Variants in MINAR1 observed in about 807,000 individuals in gnomAD.
MINAR1 encodes membrane integral NOTCH2 associated receptor 1.
A neutral mutation model predicts 65.1 loss-of-function variants in MINAR1; 40 were observed. That is an observed-to-expected ratio of 0.61 (90% CI 0.48 to 0.80). MINAR1 has a LOEUF of 0.80. Among genes scored for constraint, MINAR1 ranks in the 30% least tolerant of loss-of-function variants. The probability of loss-of-function intolerance (pLI) is 0.00; values close to 1 mark genes in which losing one functional copy is unlikely to be tolerated. For missense variants in MINAR1, 1,128 were observed against 1,148.0 expected (o/e 0.98, Z 0.25); for synonymous variants, 482 against 449.1 (o/e 1.07, Z -0.93).
intron 1 of MINAR1, among the ~76,000 whole-genome samples, chr15:79,442,294 A>G (rs1018954011): frequency 2.0e-5 from 3 of 152,106 alleles, no homozygotes; most frequent in Admixed American, 6.5e-5. Flanking sequence ...CAATTATTCC[A>G]GTAGTATTTT....
intron 1 of MINAR1, among the ~76,000 whole-genome samples, chr15:79,439,629 G>A (rs1430367697): frequency 6.6e-6 from 1 of 151,784 alleles, no homozygotes; most frequent in African/African-American, 2.4e-5. Context: ...ACATCGGAGC[G>A]CTGACTGCCC....
Position 79,470,102 on chromosome 15 carries a change from T to C in MINAR1, c.*1718T>C, listed in dbSNP as rs1319209603. 2.0e-5 allele frequency: 3 copies of C among 152,582 alleles called. No homozygotes were observed. The highest frequency in any genetic ancestry group is 4.4e-5 in the Non-Finnish European group (3 of 68,036). The allele number at this position is 152,582 out of a possible 1,614,324, so 9.5% of individuals were successfully genotyped here. On this transcript the variant is annotated 3_prime_UTR_variant, in exon 4 of 4. Coordinates refer to ENST00000305428, the MANE Select transcript of MINAR1 (RefSeq NM_015206.3). ...TTATCTATTTGTATTATCATGTTTA[T>C]GTATGGATTTTCAATTTCAGTAACC...
At position 79,457,844 on chromosome 15, in the gene MINAR1, A is replaced by C; in HGVS notation, c.1697A>C (p.Lys566Thr). The C allele has an allele frequency of 1.2e-6, 2 of 1,614,094 alleles. No homozygotes were observed. Among genetic ancestry groups the C allele is most frequent in the Admixed American group, 1.7e-5 (1 of 60,020 alleles). ...CDSSPEHNLT[K>T]IANGVPNSKG... ...AGTTCCCCTGAGCACAACTTAACCA[A>C]AATTGCCAATGGGGTCCCCAACAGC... Residue 566 changes from lysine to threonine, a missense_variant, in exon 2 of 4, where the codon AAA becomes ACA. Physicochemically the swap from Lys to Thr is moderately conservative, Grantham distance 78 (BLOSUM62 -1). Coordinates refer to ENST00000305428, the MANE Select transcript of MINAR1 (RefSeq NM_015206.3).
At chr15:79,430,969 TCA>T (rs1894421625), upstream of MINAR1, among the ~76,000 whole-genome samples, 1 of 152,186 alleles carries the variant, frequency 6.6e-6, no homozygotes, top group East Asian at 1.9e-4. Context: ...AGCTGCAAGT[TCA>T]CTTTTAAAGC....
rs150632226 is a variant in MINAR1 at position 79,456,828 on chromosome 15, C to T, written c.681C>T (p.Asp227=). The T allele has an allele frequency of 1.3e-4, 208 of 1,614,172 alleles. No individual in the cohort carries two copies. Among genetic ancestry groups the T allele is most frequent in the Non-Finnish European group, 1.7e-4 (198 of 1,180,014 alleles). ...PMNIENESIS[D]QDSLPINQSI... is the part of the protein sequence containing the mutation. ...ACATCGAAAACGAGTCCATTTCAGA[C>T]CAGGACTCCCTGCCCATCAATCAGA... Residue 227 remains aspartate (D), a synonymous_variant, in exon 2 of 4, where the codon GAC becomes GAT. Transcript: ENST00000305428.
chr15:79,457,416 T>C lies in MINAR1; in HGVS notation c.1269T>C (p.Ile423=). Residue 423 remains isoleucine, a synonymous_variant, in exon 2 of 4, where the codon ATT becomes ATC. Transcript: ENST00000305428. The part of the protein sequence containing the change: ...TYLVPKDQQP[I]LPIAYAAKQN... The stretch of plus-strand genomic sequence containing the variant: ...TTGTGCCAAAGGATCAACAGCCAAT[T>C]CTCCCCATTGCTTATGCGGCAAAAC... 1 of 1,613,974 alleles carries C rather than the reference T, an allele frequency of 6.2e-7. No individual in the cohort carries two copies. The highest frequency in any genetic ancestry group is 8.5e-7 in the Non-Finnish European group (1 of 1,180,004).
At chr15:79,418,424 T>A in the MINAR1 span, 4 of 152,224 alleles carry the variant, frequency 2.6e-5, no homozygotes, top group African/African-American at 9.7e-5. Context: ...ATTAGCATGG[T>A]TTCGCAGTCC....
chr15:79,449,069 G>A (rs1055082103), intron 1 of MINAR1, among the ~76,000 whole-genome samples: 1 of 152,208 alleles, frequency 6.6e-6, no homozygotes, highest in Non-Finnish European at 1.5e-5. Context: ...AAAAAATCAG[G>A]CATCTGGTTC....
chr15:79,456,528 G>T lies in MINAR1; in HGVS notation c.381G>T (p.Glu127Asp). 1 of 1,614,064 alleles carries T rather than the reference G, an allele frequency of 6.2e-7. No individual in the cohort carries two copies. Among genetic ancestry groups the T allele is most frequent in the Non-Finnish European group, 8.5e-7 (1 of 1,180,040 alleles). The change falls in exon 2 of 4, where the codon GAG becomes GAT. Residue 127 changes from glutamate to aspartate, a missense_variant. Physicochemically the swap from Glu to Asp is conservative, Grantham distance 45. Coordinates refer to ENST00000305428, the MANE Select transcript of MINAR1 (RefSeq NM_015206.3). ...ASFESCRSDTEICNAAECEPL... is the reference protein window; with the variant it reads ...ASFESCRSDTDICNAAECEPL... ...TTGAATCATGTAGGTCGGACACAGA[G>T]ATCTGCAATGCAGCTGAGTGTGAGC... is the stretch of plus-strand genomic sequence containing the variant.
intron 1 of MINAR1, among the ~76,000 whole-genome samples, chr15:79,455,645 C>G (rs1209097322): frequency 2.0e-5 from 3 of 152,238 alleles, no homozygotes; most frequent in Admixed American, 6.5e-5. Flanking sequence ...TACCTTCTGA[C>G]TCTGGCTTCT....
intron 1 of MINAR1, among the ~76,000 whole-genome samples, chr15:79,446,989 AG>A (rs1895041057): frequency 6.6e-6 from 1 of 152,074 alleles, no homozygotes. Context: ...TGGGTCCAAA[AG>A]CTTCTCATGC....
the MINAR1 span, chr15:79,413,837 C>T: frequency 5.3e-5 from 8 of 152,178 alleles, no homozygotes; most frequent in East Asian, 1.9e-4. Flanking sequence ...GGTTATAGAA[C>T]TGGATACATC....
chr15:79,463,775 C>CGGAAGCTCTGTGAA, intron 3 of MINAR1: 1 of 457,202 alleles, frequency 2.2e-6, no homozygotes, highest in South Asian at 1.6e-5. Flanking sequence ...GAGCCATCCC[C>CGGAAGCTCTGTGAA]GGAAGCTCTG....
rs1332789775 is a variant in MINAR1, at chr15:79,468,747, A to C, written c.*363A>C. ...TGGTGGGGAATAAGTTATACAGAAG[A>C]TATTTAATACACGCCTCTTTAGAAG... On this transcript the variant is annotated 3_prime_UTR_variant, in exon 4 of 4. Coordinates refer to ENST00000305428, the MANE Select transcript of MINAR1 (RefSeq NM_015206.3). 3.9e-6 allele frequency: 1 copy of C among 258,192 alleles called. No homozygotes were observed. Among genetic ancestry groups the C allele is most frequent in the Non-Finnish European group, 7.5e-6 (1 of 133,530 alleles). 16.0% of individuals were successfully genotyped at this position (258,192 alleles called of 1,614,324 possible).
Position 79,457,936 on chromosome 15 carries a change from T to G in MINAR1, c.1789T>G (p.Cys597Gly), listed in dbSNP as rs1378255156. Residue 597 changes from cysteine to glycine, a missense_variant, in exon 2 of 4, where the codon TGC becomes GGC. Physicochemically the swap from Cys to Gly is radical, Grantham distance 159 (BLOSUM62 -3). Transcript: ENST00000305428. ...GGAAGAAGAGCTGAAGACCAGTGTG[T>G]GCAAACTGGTGCTCAGGATTGGCGA... ...HSEEELKTSVCKLVLRIGEIE... is the reference protein window; with the variant it reads ...HSEEELKTSVGKLVLRIGEIE... 1 of 1,614,184 alleles carries G rather than the reference T, an allele frequency of 6.2e-7. No individual in the cohort carries two copies. The highest frequency in any genetic ancestry group is 1.7e-5 in the Admixed American group (1 of 60,026).
chr15:79,424,049 A>G, the MINAR1 span: 1 of 152,310 alleles, frequency 6.6e-6, no homozygotes, highest in East Asian at 1.9e-4. Context: ...GCTGGTAGAT[A>G]ATTTTGGATG....
Position 79,457,372 on chromosome 15 carries a change from G to A in MINAR1, c.1225G>A (p.Glu409Lys), listed in dbSNP as rs749420225. ...CCAGACCCCCAATTTCCCAGCCCCA[G>A]AAAGGCGCCCAACTTACCTTGTGCC... ...SSQTPNFPAP[E>K]RRPTYLVPKD... The change falls in exon 2 of 4, where the codon GAA (glutamate) becomes AAA (lysine). Residue 409 changes from glutamate to lysine, a missense_variant. Physicochemically the swap from Glu to Lys is moderately conservative, Grantham distance 56. Transcript: ENST00000305428. 3.7e-6 allele frequency: 6 copies of A among 1,613,992 alleles called. No individual in the cohort carries two copies. In the African/African-American group the frequency reaches 8.0e-5, roughly 22 times the overall value.
chr15:79,442,650 G>A (rs1055701327), intron 1 of MINAR1, among the ~76,000 whole-genome samples: 1 of 149,792 alleles, frequency 6.7e-6, no homozygotes, highest in Non-Finnish European at 1.5e-5. Flanking sequence ...AATCTGCCTG[G>A]TGAATTTTCT....
the MINAR1 span, chr15:79,411,508 A>C: frequency 2.8e-6 from 2 of 702,014 alleles, no homozygotes; most frequent in Non-Finnish European, 5.2e-6. Context: ...CTCCTAACAG[A>C]TTTTCAGCGG....
Sources: allele counts gnomAD v4.1 joint callset (sites outside exome capture counted in the v4.1 genomes callset), GRCh38; gene constraint gnomAD v4.1.1; transcripts MANE v1.5; gene names NCBI Gene and HGNC (gene_info 2026-07-23, HGNC 2026-07-21).